ZNF445: variants seen among roughly 807,000 people sequenced by gnomAD.
ZNF445 encodes the protein zinc finger protein 168.
In ZNF445, 19 loss-of-function variants were observed where a neutral mutation model predicts 93.9. That is an observed-to-expected ratio of 0.20 (90% CI 0.14 to 0.30). The LOEUF (loss-of-function observed/expected upper bound fraction) is 0.30, where lower values mean the gene tolerates loss of function less well. Ranked by LOEUF, ZNF445 falls within the 10% of genes least tolerant of loss-of-function variation. The pLI, the probability that ZNF445 is intolerant of heterozygous loss-of-function variation, is 1.00. For missense variants in ZNF445, 1,058 were observed against 1,259.4 expected (o/e 0.84, Z 2.42); for synonymous variants, 449 against 446.3 (o/e 1.01, Z -0.08).
chr3:44,462,183 T>C (rs1698124230), intron 1 of ZNF445, among the ~76,000 whole-genome samples: 1 of 152,232 alleles, frequency 6.6e-6, no homozygotes, highest in Admixed American at 6.5e-5. Flanking sequence ...AGGACCCCTA[T>C]AAGTCCACTT....
Position 44,477,658 on chromosome 3 carries a change from T to G in ZNF445, c.-336A>C, listed in dbSNP as rs923318268. On this transcript the variant is annotated 5_prime_UTR_variant, in exon 1 of 8. Coordinates refer to ENST00000396077, the MANE Select transcript of ZNF445 (RefSeq NM_181489.6). ...CGCAGCCGCCCGTCCCGCGCCTACC[T>G]CCCGGCGGCTCCAGTCGCGCACGCG... The G allele has an allele frequency of 6.6e-6, 1 of 151,946 alleles. No individual in the cohort carries two copies. The highest frequency in any genetic ancestry group is 1.5e-5 in the Non-Finnish European group (1 of 68,030). 9.4% of individuals were successfully genotyped at this position (151,946 alleles called of 1,614,324 possible).
rs980899653 is a variant in ZNF445 at position 44,434,512 on chromosome 3, A to G, written c.*12063T>C. 6.6e-6 allele frequency: 1 copy of G among 152,102 alleles called. No homozygotes were observed. The highest frequency in any genetic ancestry group is 1.5e-5 in the Non-Finnish European group (1 of 68,032). The allele number at this position is 152,102 out of a possible 1,614,324, so 9.4% of individuals were successfully genotyped here. A position where few individuals can be genotyped will look rare whatever the true frequency, so the allele number is the denominator to read the frequency against. ...TGAGTCATATTATGTGTCTTCCAAC[A>G]TGTCTGGAGCAGTTGCTACTCCCTG... On this transcript the variant is annotated 3_prime_UTR_variant, in exon 8 of 8. Transcript: ENST00000396077.
chr3:44,446,947 T>C lies in ZNF445; in HGVS notation c.2724A>G (p.Arg908=), dbSNP rs151292035. ...TCCTCTGGTGACTGGAAAGGGTATG[T>C]CTCCCAATGAACTCTTTCCCACACC... The part of the protein sequence containing the change: ...CQWCGKEFIG[R]HTLSSHQRKH... The change falls in exon 8 of 8, where the codon AGA becomes AGG. Residue 908 remains arginine, a synonymous_variant. Coordinates refer to ENST00000396077, the MANE Select transcript of ZNF445 (RefSeq NM_181489.6). The surrounding 1 kb of genome is among the most constrained non-coding windows in gnomAD (Gnocchi z 4.2). 1 of 1,614,086 alleles carries C rather than the reference T, an allele frequency of 6.2e-7. No individual in the cohort carries two copies. The highest frequency in any genetic ancestry group is 8.5e-7 in the Non-Finnish European group (1 of 1,180,012).
chr3:44,468,809 C>T (rs372798261), intron 1 of ZNF445, among the ~76,000 whole-genome samples: 154 of 152,232 alleles, frequency 1.0e-3, no homozygotes, highest in African/African-American at 3.5e-3. Flanking sequence ...AACTTTGCTC[C>T]GCAAATGCTG....
chr3:44,466,992 T>C (rs1698204803), intron 1 of ZNF445, among the ~76,000 whole-genome samples: 1 of 152,238 alleles, frequency 6.6e-6, no homozygotes, highest in South Asian at 2.1e-4. Flanking sequence ...GTATTTTGTC[T>C]TGCTTTGGTC....
rs751886091 is a variant in ZNF445, at chr3:44,447,260, T to C, written c.2411A>G (p.Asn804Ser). The C allele has an allele frequency of 3.1e-6, 5 of 1,614,142 alleles. No individual in the cohort carries two copies. The highest frequency in any genetic ancestry group is 4.5e-5 in the East Asian group (2 of 44,870). Residue 804 changes from asparagine (N) to serine (S), a missense_variant, in exon 8 of 8, where the codon AAT becomes AGT. By Grantham distance (46) the Asn-to-Ser change is conservative. This residue lies in a region of ZNF445 where 387 missense variants were observed against 475.7 expected (regional missense o/e 0.81). Transcript: ENST00000396077. The surrounding 1 kb of genome is among the most constrained non-coding windows in gnomAD (Gnocchi z 4.7). The part of the protein sequence containing the change: ...ECGKAFRWSS[N>S]LYRHQRIHSL... ...GTGAATCCTCTGATGTCGGTAGAGA[T>C]TGGAACTCCATCTGAAGGCTTTCCC...
intron 1 of ZNF445, among the ~76,000 whole-genome samples, chr3:44,475,089 G>GCTTAA (rs1476906693): frequency 1.3e-5 from 2 of 152,154 alleles, no homozygotes; most frequent in African/African-American, 4.8e-5. Flanking sequence ...GGGTGAAAGA[G>GCTTAA]CGTTAACTCT....
chr3:44,477,099 T>A (rs956912923), intron 1 of ZNF445, among the ~76,000 whole-genome samples: 6 of 152,104 alleles, frequency 3.9e-5, no homozygotes, highest in Admixed American at 3.9e-4. Context: ...GTAAATGTTA[T>A]GTGTTATTTT....
chr3:44,466,592 C>T (rs1288169074), intron 1 of ZNF445, among the ~76,000 whole-genome samples: 3 of 152,258 alleles, frequency 2.0e-5, no homozygotes, highest in Admixed American at 6.5e-5. Flanking sequence ...CCTTGTCAAT[C>T]GTGTCTTTAA....
At chr3:44,454,390 GA>G (rs1697998066) in intron 3 of ZNF445, among the ~76,000 whole-genome samples, 1 of 152,110 alleles carries the variant, frequency 6.6e-6, no homozygotes, top group African/African-American at 2.4e-5. Context: ...AATATGTGGA[GA>G]TGGACTTTGT....
At chr3:44,465,919 A>G (rs1345518342) in intron 1 of ZNF445, among the ~76,000 whole-genome samples, 2 of 152,226 alleles carry the variant, frequency 1.3e-5, no homozygotes, top group African/African-American at 2.4e-5. Context: ...GTCTCAAAAA[A>G]AAACCAAAAA....
intron 1 of ZNF445, among the ~76,000 whole-genome samples, chr3:44,464,428 AC>A (rs1398072756): frequency 1.3e-5 from 2 of 152,252 alleles, no homozygotes; most frequent in African/African-American, 4.8e-5. Context: ...ATGTTTATAT[AC>A]AAAAGAGCTC....
At position 44,447,627 on chromosome 3, in the gene ZNF445, G is replaced by A. The variant is rs1697898448; in HGVS notation, c.2044C>T (p.Leu682=). 6.2e-7 allele frequency: 1 copy of A among 1,613,992 alleles called. No homozygotes were observed. Among genetic ancestry groups the A allele is most frequent in the Non-Finnish European group, 8.5e-7 (1 of 1,180,040 alleles). The change falls in exon 8 of 8, where the codon CTG becomes TTG. Residue 682 remains leucine (L), a synonymous_variant. Transcript: ENST00000396077. The surrounding 1 kb of genome is among the most constrained non-coding windows in gnomAD (Gnocchi z 4.7). The stretch of plus-strand genomic sequence containing the variant: ...AAAGTTTTCCCACACTGCTGACACA[G>A]AAATGTTTTCTCCACAGCGGGAGCA... ...QGAPAVEKTF[L]CQQCGKTFTR...
At chr3:44,450,666 C>T (rs1207639663) in intron 5 of ZNF445, 93 bp from the exon 6 acceptor site, 188 of 1,510,396 alleles carry the variant, frequency 1.2e-4, no homozygotes, top group Non-Finnish European at 1.6e-4. Context: ...TGTGTGAGTG[C>T]AGGATGGACC....
In ZNF445 at chr3:44,440,829, C is replaced by T. The variant is rs961249028; in HGVS notation, c.*5746G>A. 9 of 151,848 alleles carry T rather than the reference C, an allele frequency of 5.9e-5. No homozygotes were observed. Among genetic ancestry groups the T allele is most frequent in the Non-Finnish European group, 1.0e-4 (7 of 67,998 alleles). 9.4% of individuals were successfully genotyped at this position (151,848 alleles called of 1,614,324 possible). On this transcript the variant is annotated 3_prime_UTR_variant, in exon 8 of 8. Coordinates refer to ENST00000396077, the MANE Select transcript of ZNF445 (RefSeq NM_181489.6). ...AGGGGTAGATTATTCATAAGTTTCCCGGGAAAGGTGTGAGCAATTACCAGA... is the reference window on the plus strand; with the variant it reads ...AGGGGTAGATTATTCATAAGTTTCCTGGGAAAGGTGTGAGCAATTACCAGA...
rs1485942196 is a variant in ZNF445 at position 44,436,832 on chromosome 3, C to G, written c.*9743G>C. On this transcript the variant is annotated 3_prime_UTR_variant, in exon 8 of 8. Coordinates refer to ENST00000396077, the MANE Select transcript of ZNF445 (RefSeq NM_181489.6). ...CAAGTTAAAACAATGAACCACAAAT[C>G]TCTGCTTAATTATCCCATATCGAAT... 1 of 152,178 alleles carries G rather than the reference C, an allele frequency of 6.6e-6. No individual in the cohort carries two copies. Among genetic ancestry groups the G allele is most frequent in the African/African-American group, 2.4e-5 (1 of 41,444 alleles). The allele number at this position is 152,178 out of a possible 1,614,324, so 9.4% of individuals were successfully genotyped here.
At chr3:44,454,524 A>G (rs1490866142) in intron 3 of ZNF445, among the ~76,000 whole-genome samples, 1 of 152,116 alleles carries the variant, frequency 6.6e-6, no homozygotes, top group Non-Finnish European at 1.5e-5. Flanking sequence ...GCCTTGACCT[A>G]ACCTGGGTTC....
In ZNF445 at chr3:44,447,854, A is replaced by G. The variant is rs1697901033; in HGVS notation, c.1817T>C (p.Phe606Ser). The change falls in exon 8 of 8, where the codon TTC (phenylalanine) becomes TCC (serine). Residue 606 changes from phenylalanine to serine, a missense_variant. Around this residue, in one of 3 missense-constraint regions of ZNF445, gnomAD observed 657 missense variants for 746.4 expected, o/e 0.88. Transcript: ENST00000396077. The surrounding 1 kb of genome is among the most constrained non-coding windows in gnomAD (Gnocchi z 4.7). ...TTCAAGAACATATGACTTACAGTGG[A>G]AGGATTTCCTGCACTGGCTGCAGTC... ...LFDCSQCRKS[F>S]HCKSYVLEHQ... is the part of the protein sequence containing the mutation. The G allele has an allele frequency of 6.2e-7, 1 of 1,614,108 alleles. No individual in the cohort carries two copies. The highest frequency in any genetic ancestry group is 8.5e-7 in the Non-Finnish European group (1 of 1,180,030).
intron 2 of ZNF445, among the ~76,000 whole-genome samples, chr3:44,456,021 C>A (rs9828076): frequency 0.012 from 1,841 of 152,316 alleles, 33 homozygotes; most frequent in African/African-American, 0.042. Context: ...ATTCTCTCCA[C>A]ATTTATCTAC....
Sources: allele counts gnomAD v4.1 joint callset (sites outside exome capture counted in the v4.1 genomes callset), GRCh38; gene constraint gnomAD v4.1.1; regional missense constraint gnomAD v4.1.1; non-coding constraint Gnocchi (gnomAD v3.1); transcripts MANE v1.5; gene names NCBI Gene and HGNC (gene_info 2026-07-23, HGNC 2026-07-21).